Variants in JAKMIP1 observed in about 807,000 individuals in gnomAD.
The protein encoded by JAKMIP1 is janus kinase and microtubule interacting protein 1.
JAKMIP1 carries 33 observed loss-of-function variants against 113.0 expected under a neutral mutation model. That is an observed-to-expected ratio of 0.29 (90% confidence interval 0.22 to 0.39). The LOEUF (loss-of-function observed/expected upper bound fraction) is 0.39. Among genes scored for constraint, JAKMIP1 ranks in the 10% least tolerant of loss-of-function variants. The pLI is 1.00. For synonymous variants in JAKMIP1, 480 were observed against 459.9 expected (o/e 1.04, Z -0.56); for missense variants, 813 against 1,080.5 (o/e 0.75, Z 3.47).
In JAKMIP1 at chr4:6,112,906, C is replaced by G. The variant is rs1249909631; in HGVS notation, c.-56G>C. On this transcript the variant is annotated 5_prime_UTR_variant, in exon 2 of 21. Coordinates refer to ENST00000409021, the MANE Select transcript of JAKMIP1 (RefSeq NM_001099433.2). The stretch of plus-strand genomic sequence containing the variant: ...TGCGGTCCACACCTGTTCACGCACG[C>G]CAGCCAGCAGGCGTGGCTACCAGCT... The G allele has an allele frequency of 1.9e-6, 3 of 1,581,362 alleles. No homozygotes were observed. Among genetic ancestry groups the G allele is most frequent in the Non-Finnish European group, 2.6e-6 (3 of 1,160,292 alleles).
At position 6,049,882 on chromosome 4, in the gene JAKMIP1, A is replaced by G; in HGVS notation, c.1909-10T>C. 1 of 1,606,866 alleles carries G rather than the reference A, an allele frequency of 6.2e-7. No individual in the cohort carries two copies. The highest frequency in any genetic ancestry group is 8.5e-7 in the Non-Finnish European group (1 of 1,173,864). On this transcript the variant is annotated splice_polypyrimidine_tract_variant and intron_variant, in intron 14 of 20. Transcript: ENST00000409021. This position sits in a 1 kb window ranked among gnomAD's most constrained non-coding sequence, Gnocchi z 7.0. ...CAGAAACATTCACATCCTGGAAGAG[A>G]TTTCCAACGTTCATTTTTGTGTGAG...
At position 6,170,032 on chromosome 4, in the gene JAKMIP1, T is replaced by C. The variant is rs1334002734; in HGVS notation, c.-148+30221A>G. 2.2e-4 allele frequency among the ~76,000 whole-genome samples: 17 copies of C among 75,812 alleles called. No individual in the cohort carries two copies. In the South Asian group the frequency reaches 4.1e-3, roughly 18 times the overall value. 49.7% of individuals were successfully genotyped at this position (75,812 alleles called of 152,430 possible). A position where few individuals can be genotyped will look rare whatever the true frequency, so the allele number is the denominator to read the frequency against. ...CACCCTCACCACCACCACATTCCCA[T>C]CACCACCACCACCACCATCACCACT... On this transcript the variant is annotated intron_variant, in intron 1 of 20. Coordinates refer to ENST00000409021, the MANE Select transcript of JAKMIP1 (RefSeq NM_001099433.2).
At chr4:6,190,937 G>A (rs943159049) in intron 1 of JAKMIP1, among the ~76,000 whole-genome samples, 6 of 152,210 alleles carry the variant, frequency 3.9e-5, no homozygotes, top group African/African-American at 4.8e-5. Context: ...GAGCACAGGC[G>A]GCCTGCACCA....
intron 1 of JAKMIP1, among the ~76,000 whole-genome samples, chr4:6,152,432 C>T (rs114969729): frequency 0.015 from 2,286 of 152,238 alleles, 61 homozygotes; most frequent in African/African-American, 0.052. Context: ...CTGCCTGCTG[C>T]TCTGCATCCT....
intron 16 of JAKMIP1, among the ~76,000 whole-genome samples, chr4:6,048,057 A>C (rs1715217817): frequency 6.6e-6 from 1 of 152,266 alleles, no homozygotes; most frequent in Admixed American, 6.5e-5. Flanking sequence ...ATTACAATTC[A>C]CAAGGAAGGA....
chr4:6,047,511 G>A lies in JAKMIP1; in HGVS notation c.2028+1346C>T, dbSNP rs544570942. On this transcript the variant is annotated intron_variant, in intron 16 of 20. Coordinates refer to ENST00000409021, the MANE Select transcript of JAKMIP1 (RefSeq NM_001099433.2). ...GCCAGGTGTGAGTCATCCCCGTCCC[G>A]CGGTTCACCAGAAGACACAAGCTCA... is the stretch of plus-strand genomic sequence containing the variant. Among the ~76,000 whole-genome samples the A allele has an allele frequency of 1.4e-4, 21 of 152,284 alleles. No homozygotes were observed. In the East Asian group the frequency reaches 2.1e-3, roughly 15 times the overall value.
chr4:6,026,385 G>A (rs142495180), intron 20 of JAKMIP1, 107 bp from the exon 21 acceptor site: 3 of 663,052 alleles, frequency 4.5e-6, no homozygotes, highest in Non-Finnish European at 5.3e-6. Context: ...ACAAGAACTA[G>A]GACACTGAGT....
At chr4:6,070,369 G>A (rs953155540) in intron 8 of JAKMIP1, among the ~76,000 whole-genome samples, 1 of 152,246 alleles carries the variant, frequency 6.6e-6, no homozygotes, top group South Asian at 2.1e-4. Context: ...AAGAACAGGA[G>A]TGCGCCAGAA....
At chr4:6,109,742 G>T (rs1329883243) in intron 2 of JAKMIP1, among the ~76,000 whole-genome samples, 1 of 152,042 alleles carries the variant, frequency 6.6e-6, no homozygotes, top group East Asian at 1.9e-4. Flanking sequence ...GTTCAACAGG[G>T]ATGCTTTGCT....
chr4:6,143,671 T>C lies in JAKMIP1; in HGVS notation c.-147-30674A>G, dbSNP rs1720463968. 6.6e-6 allele frequency among the ~76,000 whole-genome samples: 1 copy of C among 152,222 alleles called. No homozygotes were observed. The highest frequency in any genetic ancestry group is 6.5e-5 in the Admixed American group (1 of 15,282). ...CATCAGCTGGGAGCTTGTTAGGAGT[T>C]AAAATTCTTTGGCCTCAACAGTAAC... On this transcript the variant is annotated intron_variant, in intron 1 of 20. Transcript: ENST00000409021. The surrounding 1 kb of genome is among the most constrained non-coding windows in gnomAD (Gnocchi z 4.9).
rs1725396205 is a variant in JAKMIP1 at position 6,176,850 on chromosome 4, T to C, written c.-148+23403A>G. On this transcript the variant is annotated intron_variant, in intron 1 of 20. Coordinates refer to ENST00000409021, the MANE Select transcript of JAKMIP1 (RefSeq NM_001099433.2). This position sits in a 1 kb window ranked among gnomAD's most constrained non-coding sequence, Gnocchi z 5.5. The stretch of plus-strand genomic sequence containing the variant: ...AAGTTAGAAACCAGCCTGGGCAACA[T>C]GGCGAAACCCTGCCTCTACAAAAAA... Among the ~76,000 whole-genome samples, 1 of 152,082 alleles carries C rather than the reference T, an allele frequency of 6.6e-6. No individual in the cohort carries two copies. The highest frequency in any genetic ancestry group is 6.5e-5 in the Admixed American group (1 of 15,268).
At chr4:6,100,286 T>A (rs1258084823) in intron 3 of JAKMIP1, among the ~76,000 whole-genome samples, 1 of 152,212 alleles carries the variant, frequency 6.6e-6, no homozygotes, top group Non-Finnish European at 1.5e-5. Flanking sequence ...TTTGGATATA[T>A]AGATTTGGCT....
At chr4:6,066,391 G>A (rs939619380) in intron 8 of JAKMIP1, among the ~76,000 whole-genome samples, 5 of 152,124 alleles carry the variant, frequency 3.3e-5, no homozygotes, top group Admixed American at 6.5e-5. Flanking sequence ...CACCCAGAAC[G>A]TTCTTGCATT....
At chr4:6,068,331 T>C (rs1474880194) in intron 8 of JAKMIP1, among the ~76,000 whole-genome samples, 3 of 152,158 alleles carry the variant, frequency 2.0e-5, no homozygotes, top group Admixed American at 6.5e-5. Context: ...TCATATCATA[T>C]GGCCCCAGAG....
chr4:6,078,996 C>G lies in JAKMIP1; in HGVS notation c.1245G>C (p.Glu415Asp). The change falls in exon 8 of 21, where the codon GAG becomes GAC. Residue 415 changes from glutamate (E) to aspartate (D), a missense_variant and splice_region_variant. By Grantham distance (45) the Glu-to-Asp change is conservative (BLOSUM62 2). Coordinates refer to ENST00000409021, the MANE Select transcript of JAKMIP1 (RefSeq NM_001099433.2). ...TTTTGGAGCGCAACAGCCGTTCTCT[C>G]TCCTAGAAGGAAACACAACGGTTGG... is the stretch of plus-strand genomic sequence containing the variant. ...QQHVIDDLSL[E>D]RERLLRSKRH... The G allele has an allele frequency of 6.2e-7, 1 of 1,614,200 alleles. No homozygotes were observed. Among genetic ancestry groups the G allele is most frequent in the Non-Finnish European group, 8.5e-7 (1 of 1,180,036 alleles).
intron 16 of JAKMIP1, among the ~76,000 whole-genome samples, chr4:6,045,089 G>A (rs2108760867): frequency 6.6e-6 from 1 of 152,344 alleles, no homozygotes; most frequent in Non-Finnish European, 1.5e-5. Flanking sequence ...CAACTGGTGG[G>A]GCTCATCTCT....
At position 6,080,192 on chromosome 4, in the gene JAKMIP1, C is replaced by T. The variant is rs369894919; in HGVS notation, c.1222G>A (p.Val408Ile). 5.8e-5 allele frequency: 93 copies of T among 1,611,804 alleles called. No individual in the cohort carries two copies. Among genetic ancestry groups the T allele is most frequent in the African/African-American group, 9.3e-5 (7 of 74,916 alleles). Residue 408 changes from valine (V) to isoleucine (I), a missense_variant, in exon 7 of 21, where the codon GTC (valine) becomes ATC (isoleucine). Transcript: ENST00000409021. This position sits in a 1 kb window ranked among gnomAD's most constrained non-coding sequence, Gnocchi z 6.0. ...LRLQVLEQQHVIDDLSLERER... is the reference protein window; with the variant it reads ...LRLQVLEQQHIIDDLSLERER... ...TGTACCAGTGAGAGGTCGTCAATGA[C>T]GTGCTGCTGCTCCAGCACCTGCAGC...
At position 6,186,564 on chromosome 4, in the gene JAKMIP1, A is replaced by G. The variant is rs1726675988; in HGVS notation, c.-148+13689T>C. Among the ~76,000 whole-genome samples the G allele has an allele frequency of 6.6e-6, 1 of 152,078 alleles. No individual in the cohort carries two copies. The highest frequency in any genetic ancestry group is 1.5e-5 in the Non-Finnish European group (1 of 68,000). ...TGTTTGCTTGTTTTCTCTCCTTTTA[A>G]TTTTATTGAGGTTGTATTAGGGCCT... On this transcript the variant is annotated intron_variant, in intron 1 of 20. Coordinates refer to ENST00000409021, the MANE Select transcript of JAKMIP1 (RefSeq NM_001099433.2). The surrounding 1 kb of genome is among the most constrained non-coding windows in gnomAD (Gnocchi z 5.5).
intron 1 of JAKMIP1, among the ~76,000 whole-genome samples, chr4:6,191,748 A>G (rs926953336): frequency 6.6e-6 from 1 of 152,158 alleles, no homozygotes; most frequent in Non-Finnish European, 1.5e-5. Flanking sequence ...TCACAGTTTC[A>G]CTAGCCACAT....
Sources: gnomAD v4.1 joint callset for allele counts (sites outside exome capture counted in the v4.1 genomes callset) on GRCh38, gnomAD v4.1.1 for gene constraint, Gnocchi (gnomAD v3.1) non-coding constraint, MANE v1.5 for transcripts, NCBI Gene and HGNC (gene_info 2026-07-23, HGNC 2026-07-21) for gene names.